CADM2: variants seen among roughly 807,000 people sequenced by gnomAD.
The protein encoded by CADM2 is cell adhesion molecule 2, also known as immunoglobulin superfamily member 4D.
Under a neutral mutation model 49.8 loss-of-function variants are expected in CADM2, and 12 were observed. That is an observed-to-expected ratio of 0.24 (90% CI 0.15 to 0.39). CADM2 has a LOEUF of 0.39. Among genes scored for constraint, CADM2 ranks in the 10% least tolerant of loss-of-function variants. The pLI, the probability that CADM2 is intolerant of heterozygous loss-of-function variation, is 1.00. For missense variants in CADM2, 378 were observed against 492.3 expected (o/e 0.77, Z 2.20); for synonymous variants, 214 against 175.4 (o/e 1.22, Z -1.74).
At chr3:85,196,858 T>C (rs2041356523) in intron 1 of CADM2, among the ~76,000 whole-genome samples, 1 of 152,018 alleles carries the variant, frequency 6.6e-6, no homozygotes, top group Non-Finnish European at 1.5e-5. Context: ...ACCATAATGG[T>C]AGACAAAGAC....
At chr3:85,279,981 G>GAAT (rs1435021288) in intron 1 of CADM2, among the ~76,000 whole-genome samples, 1 of 151,448 alleles carries the variant, frequency 6.6e-6, no homozygotes, top group African/African-American at 2.4e-5. Flanking sequence ...TATTCTGTAG[G>GAAT]TGGCCTTTAC....
intron 1 of CADM2, among the ~76,000 whole-genome samples, chr3:85,637,244 A>C: frequency 6.6e-6 from 1 of 152,186 alleles, no homozygotes; most frequent in East Asian, 1.9e-4. Context: ...TAATATCAAT[A>C]ATTTAATTGA....
intron 1 of CADM2, among the ~76,000 whole-genome samples, chr3:85,142,737 C>G (rs552585247): frequency 6.6e-6 from 1 of 152,232 alleles, no homozygotes; most frequent in East Asian, 1.9e-4. Flanking sequence ...AACTGAATCT[C>G]TTCATGGAAA....
chr3:85,385,655 C>T (rs1364194229), intron 1 of CADM2: 1 of 150,886 alleles, frequency 6.6e-6, no homozygotes, highest in Admixed American at 6.6e-5. Flanking sequence ...AGAATATATT[C>T]TTTTTTAATT....
At chr3:85,877,188 C>T (rs1015726418) in intron 3 of CADM2, among the ~76,000 whole-genome samples, 5 of 152,050 alleles carry the variant, frequency 3.3e-5, no homozygotes, top group Admixed American at 2.0e-4. Flanking sequence ...TTAACCCATT[C>T]GCTTATTTTT....
intron 6 of CADM2, among the ~76,000 whole-genome samples, chr3:85,918,387 C>T (rs943465239): frequency 1.3e-5 from 2 of 152,096 alleles, no homozygotes; most frequent in African/African-American, 4.8e-5. Flanking sequence ...TTGTCAAAGG[C>T]CTTTTCAGCA....
At chr3:85,849,689 A>T (rs1284036738) in intron 3 of CADM2, among the ~76,000 whole-genome samples, 3 of 152,206 alleles carry the variant, frequency 2.0e-5, no homozygotes, top group African/African-American at 7.2e-5. Context: ...TTAGCACCAG[A>T]ATTTCCAAGG....
At chr3:86,013,283 A>T in intron 8 of CADM2, 1 of 1,527,848 alleles carries the variant, frequency 6.5e-7, no homozygotes, top group Non-Finnish European at 9.0e-7. Context: ...GTGAAGGGCA[A>T]GATGAGGACA....
chr3:85,869,600 C>T (rs548024432), intron 3 of CADM2, among the ~76,000 whole-genome samples: 8 of 152,054 alleles, frequency 5.3e-5, no homozygotes, highest in Admixed American at 1.3e-4. Context: ...CCACCATGCT[C>T]GTGATTCATT....
chr3:85,674,179 T>A (rs1387096485), intron 1 of CADM2, among the ~76,000 whole-genome samples: 1 of 152,196 alleles, frequency 6.6e-6, no homozygotes, highest in African/African-American at 2.4e-5. Context: ...CACACAGAAC[T>A]GTATTAAATA....
chr3:85,561,147 A>G (rs2062085369), intron 1 of CADM2, among the ~76,000 whole-genome samples: 1 of 152,108 alleles, frequency 6.6e-6, no homozygotes, highest in South Asian at 2.1e-4. Flanking sequence ...TTTTCACTCA[A>G]TATTATGTTT....
intron 1 of CADM2, among the ~76,000 whole-genome samples, chr3:85,711,399 G>A (rs2067113290): frequency 6.6e-6 from 1 of 152,034 alleles, no homozygotes; most frequent in South Asian, 2.1e-4. Context: ...GAGCTTCTTT[G>A]TGAATCCTTA....
chr3:85,333,022 A>G (rs1456983522), intron 1 of CADM2, among the ~76,000 whole-genome samples: 1 of 151,808 alleles, frequency 6.6e-6, no homozygotes, highest in Non-Finnish European at 1.5e-5. Context: ...GTAAACTTTA[A>G]CTTTGATGTT....
intron 1 of CADM2, among the ~76,000 whole-genome samples, chr3:85,676,379 T>C (rs1251063503): frequency 6.6e-6 from 1 of 152,240 alleles, no homozygotes; most frequent in Non-Finnish European, 1.5e-5. Flanking sequence ...CATGAAATTT[T>C]TGATAAGCTC....
chr3:85,091,201 A>T (rs931086513), intron 1 of CADM2, among the ~76,000 whole-genome samples: 3 of 152,074 alleles, frequency 2.0e-5, no homozygotes, highest in Non-Finnish European at 2.9e-5. Flanking sequence ...AAATAGTAAA[A>T]ATTTCAATGA....
At chr3:85,399,385 T>G (rs113569321) in intron 1 of CADM2, among the ~76,000 whole-genome samples, 37 of 152,100 alleles carry the variant, frequency 2.4e-4, no homozygotes, top group African/African-American at 8.7e-4. Context: ...TGTAGCCTTT[T>G]AGTATAGTTT....
intron 2 of CADM2, among the ~76,000 whole-genome samples, chr3:85,783,537 T>A (rs1250335621): frequency 6.6e-6 from 1 of 151,964 alleles, no homozygotes; most frequent in Non-Finnish European, 1.5e-5. Context: ...GTAGGGAGAG[T>A]TGACGCTTAT....
At chr3:85,368,594 A>G (rs982755699) in intron 1 of CADM2, among the ~76,000 whole-genome samples, 3 of 151,494 alleles carry the variant, frequency 2.0e-5, no homozygotes, top group Admixed American at 1.3e-4. Context: ...AAAAGTATCA[A>G]GCAATGTAAA....
chr3:85,200,479 C>T (rs1478252366), intron 1 of CADM2, among the ~76,000 whole-genome samples: 1 of 151,920 alleles, frequency 6.6e-6, no homozygotes, highest in East Asian at 1.9e-4. Flanking sequence ...CACGATGTAC[C>T]CTTCACTTGG....
Sources: gnomAD v4.1 joint callset for allele counts (sites outside exome capture counted in the v4.1 genomes callset) on GRCh38, gnomAD v4.1.1 for gene constraint, MANE v1.5 for transcripts, NCBI Gene and HGNC (gene_info 2026-07-23, HGNC 2026-07-21) for gene names.